The following MTAP variants were observed in gnomAD, a reference collection of about 807,000 sequenced individuals.
MTAP encodes S-methyl-5'-thioadenosine phosphorylase.
Under a neutral mutation model 33.6 loss-of-function variants are expected in MTAP, and 33 were observed. That is an observed-to-expected ratio of 0.98 (90% CI 0.74 to 1.31). MTAP has a LOEUF of 1.31. MTAP is among the 40% of genes most tolerant of loss of function. The pLI is 0.00. For missense variants in MTAP, 367 were observed against 360.0 expected (o/e 1.02, Z -0.16); for synonymous variants, 148 against 125.7 (o/e 1.18, Z -1.19).
At chr9:21,848,961 C>T (rs1247436280) in intron 5 of MTAP, among the ~76,000 whole-genome samples, 1 of 152,210 alleles carries the variant, frequency 6.6e-6, no homozygotes, top group Non-Finnish European at 1.5e-5. Flanking sequence ...TCGTGTAAAG[C>T]TCTGGCACTG....
chr9:21,917,551 A>G (rs1167775378), intron 1 of MTAP, among the ~76,000 whole-genome samples: 1 of 152,136 alleles, frequency 6.6e-6, no homozygotes, highest in East Asian at 1.9e-4. Context: ...TTACCAGCTT[A>G]CTCCTGCAGG....
chr9:21,918,467 A>G (rs1302381124), intron 1 of MTAP, among the ~76,000 whole-genome samples: 1 of 151,600 alleles, frequency 6.6e-6, no homozygotes, highest in African/African-American at 2.4e-5. Flanking sequence ...TGCTTGGGTG[A>G]CAGGCACACT....
At chr9:21,829,484 A>G (rs925282803) in intron 4 of MTAP, among the ~76,000 whole-genome samples, 1 of 150,964 alleles carries the variant, frequency 6.6e-6, no homozygotes, top group East Asian at 1.9e-4. Flanking sequence ...AGACTGCAGT[A>G]ATGCAATCTC....
intron 1 of MTAP, among the ~76,000 whole-genome samples, chr9:21,904,882 A>T (rs1178107724): frequency 2.0e-5 from 3 of 152,178 alleles, no homozygotes; most frequent in African/African-American, 7.2e-5. Flanking sequence ...TTCCTTAGTG[A>T]ATATGAAATG....
chr9:21,909,106 T>C (rs1439453098), intron 1 of MTAP, among the ~76,000 whole-genome samples: 1 of 152,114 alleles, frequency 6.6e-6, no homozygotes, highest in Non-Finnish European at 1.5e-5. Flanking sequence ...AGGCTCCTTC[T>C]TTCATCATTC....
chr9:21,904,408 C>G (rs1818442065), intron 1 of MTAP, among the ~76,000 whole-genome samples: 1 of 152,134 alleles, frequency 6.6e-6, no homozygotes, highest in African/African-American at 2.4e-5. Context: ...CCTCCTCTAC[C>G]CAGCATTTCC....
intron 1 of MTAP, among the ~76,000 whole-genome samples, chr9:21,884,571 G>A (rs761475948): frequency 7.9e-5 from 12 of 152,200 alleles, no homozygotes; most frequent in Non-Finnish European, 1.2e-4. Context: ...GGAAGTGCAA[G>A]ATAAAGTATT....
chr9:21,907,464 A>G (rs1257218899), intron 1 of MTAP, among the ~76,000 whole-genome samples: 1 of 152,198 alleles, frequency 6.6e-6, no homozygotes, highest in South Asian at 2.1e-4. Flanking sequence ...GGCTGAAGCG[A>G]GAGGATGGCT....
intron 1 of MTAP, among the ~76,000 whole-genome samples, chr9:21,888,295 A>G (rs1247407389): frequency 6.6e-6 from 1 of 152,154 alleles, no homozygotes; most frequent in Non-Finnish European, 1.5e-5. Flanking sequence ...TGTGTATTCT[A>G]CAGTTATTGG....
chr9:21,812,935 C>T (rs976366319), intron 1 of MTAP, among the ~76,000 whole-genome samples: 4 of 152,284 alleles, frequency 2.6e-5, no homozygotes, highest in East Asian at 3.9e-4. Flanking sequence ...GTTTGTAAAA[C>T]GGGTAACATT....
chr9:21,891,081 A>G lies in MTAP; in HGVS notation c.147+36211A>G, dbSNP rs570950344. Among the ~76,000 whole-genome samples, 102 of 152,314 alleles carry G rather than the reference A, an allele frequency of 6.7e-4. 1 individual carries two copies. In the South Asian group the frequency reaches 0.021, roughly 31 times the overall value. On this transcript the variant is annotated intron_variant, in intron 1 of 1. Coordinates refer to the MTAP transcript ENST00000577563. ...GTTCTAGCATAATTGAAAGAAGGTT[A>G]TCTGGCCATAGTCAAACCATCAAGG...
Position 21,802,800 on chromosome 9 carries a change from G to C in MTAP, c.33+19G>C. 1 of 1,612,730 alleles carries C rather than the reference G, an allele frequency of 6.2e-7. No homozygotes were observed. The highest frequency in any genetic ancestry group is 8.5e-7 in the Non-Finnish European group (1 of 1,179,668). ...CGTGAAGGTGAGATGAGCCCTCCCA[G>C]CCGCAGCGGTTCGCCCTGCCGGATG... On this transcript the variant is annotated intron_variant, in intron 1 of 7. Transcript: ENST00000644715.
intron 1 of MTAP, among the ~76,000 whole-genome samples, chr9:21,899,142 C>G (rs2118790204): frequency 6.8e-6 from 1 of 146,994 alleles, no homozygotes; most frequent in South Asian, 2.1e-4. Flanking sequence ...GACAGAAAAC[C>G]AAACACTGCA....
At chr9:21,834,326 G>A (rs1825049025) in intron 4 of MTAP, among the ~76,000 whole-genome samples, 1 of 152,182 alleles carries the variant, frequency 6.6e-6, no homozygotes, top group Non-Finnish European at 1.5e-5. Flanking sequence ...CAGTAGATAA[G>A]CCAGTCCCTG....
intron 1 of MTAP, 84 bp downstream of exon 1, chr9:21,802,865 C>G (rs750204367): frequency 6.4e-7 from 1 of 1,566,512 alleles, no homozygotes; most frequent in Non-Finnish European, 8.6e-7. Flanking sequence ...CCTCCGGGGG[C>G]CATGCGCCCG....
intron 1 of MTAP, among the ~76,000 whole-genome samples, chr9:21,805,717 C>CTCT (rs1440608271): frequency 6.6e-6 from 1 of 152,210 alleles, no homozygotes; most frequent in Non-Finnish European, 1.5e-5. Flanking sequence ...TGAGAGGACA[C>CTCT]CATCTATGAG....
intron 1 of MTAP, among the ~76,000 whole-genome samples, chr9:21,902,898 A>G (rs1818415248): frequency 1.3e-5 from 2 of 152,250 alleles, no homozygotes; most frequent in African/African-American, 4.8e-5. Context: ...TCAACACATT[A>G]TGCTTGTTTA....
At chr9:21,931,685 A>G (rs138425115), downstream of MTAP, 1 of 152,732 alleles carries the variant, frequency 6.5e-6, no homozygotes, top group African/African-American at 2.4e-5. Flanking sequence ...AAAACCCCAG[A>G]AGCATGCCAA....
intron 1 of MTAP, among the ~76,000 whole-genome samples, chr9:21,810,066 T>C (rs748161479): frequency 7.9e-5 from 12 of 152,362 alleles, no homozygotes; most frequent in Middle Eastern, 3.4e-3. Flanking sequence ...GACTAAAATA[T>C]AGAGTCACTG....
Sources: allele counts gnomAD v4.1 joint callset (sites outside exome capture counted in the v4.1 genomes callset), GRCh38; gene constraint gnomAD v4.1.1; transcripts MANE v1.5; gene names NCBI Gene and HGNC (gene_info 2026-07-23, HGNC 2026-07-21).